Variants in ARHGAP6 observed in about 807,000 individuals in gnomAD.
ARHGAP6 encodes rho GTPase-activating protein 6.
ARHGAP6 carries 16 observed loss-of-function variants against 55.7 expected under a neutral mutation model. That is an observed-to-expected ratio of 0.29 (90% CI 0.19 to 0.44). The LOEUF (loss-of-function observed/expected upper bound fraction) is 0.44, where lower values mean the gene tolerates loss of function less well. Ranked by LOEUF, ARHGAP6 falls within the 20% of genes least tolerant of loss-of-function variation. ARHGAP6 has a pLI of 1.00. For missense variants in ARHGAP6, 698 were observed against 808.9 expected (o/e 0.86, Z 1.66); for synonymous variants, 382 against 360.9 (o/e 1.06, Z -0.66).
intron 1 of ARHGAP6, among the ~76,000 whole-genome samples, chrX:11,601,894 C>T (rs2051979022): frequency 9.0e-6 from 1 of 111,569 alleles, no homozygotes; most frequent in African/African-American, 3.3e-5. Flanking sequence ...GCAAAGAAAA[C>T]ACTTAAAAGA....
chrX:11,265,629 T>C, intron 1 of ARHGAP6: 1 of 789,390 alleles, frequency 1.3e-6, no homozygotes, highest in Non-Finnish European at 1.5e-6. Context: ...ATCACAAAAC[T>C]TTATCACAAT....
At chrX:11,354,313 C>CTATATA (rs2048903120) in intron 1 of ARHGAP6, among the ~76,000 whole-genome samples, 1 of 66,471 alleles carries the variant, frequency 1.5e-5, no homozygotes, top group African/African-American at 6.1e-5. Flanking sequence ...CTCTCTCTCT[C>CTATATA]TCTCTCTCTC....
At chrX:11,399,354 C>CAAAAAAAAAA (rs56197001) in intron 1 of ARHGAP6, among the ~76,000 whole-genome samples, 2 of 35,335 alleles carry the variant, frequency 5.7e-5, no homozygotes, top group Admixed American at 4.1e-4. Flanking sequence ...AATAAGCAAT[C>CAAAAAAAAAA]AAAAAAAAAA....
chrX:11,581,284 T>C (rs1480333053), intron 1 of ARHGAP6, among the ~76,000 whole-genome samples: 1 of 111,753 alleles, frequency 8.9e-6, no homozygotes, highest in East Asian at 2.8e-4. Flanking sequence ...TAAGAAGTAT[T>C]GGTGAAAGTG....
At chrX:11,394,172 C>T (rs758585995) in intron 1 of ARHGAP6, among the ~76,000 whole-genome samples, 33 of 112,077 alleles carry the variant, frequency 2.9e-4, no homozygotes, top group African/African-American at 9.4e-4. Context: ...TTGTCCTACA[C>T]CAACCTCACA....
chrX:11,527,001 T>C lies in ARHGAP6; in HGVS notation c.588+137240A>G, dbSNP rs772597592. ...AGAATTAGTCCTAATGATGCTTTGC[T>C]AATATGAGGAGTGTGTGTGTGTGTG... is the stretch of plus-strand genomic sequence containing the variant. On this transcript the variant is annotated intron_variant, in intron 1 of 12. Transcript: ENST00000337414. Among the ~76,000 whole-genome samples the C allele has an allele frequency of 8.2e-5, 8 of 97,111 alleles. No homozygotes were observed. The East Asian group carries it at 2.7e-3, about 33-fold the overall frequency. The allele number at this position is 97,111 out of a possible 115,157, so 84.3% of individuals were successfully genotyped here.
At chrX:11,471,470 T>C (rs2050346228) in intron 1 of ARHGAP6, among the ~76,000 whole-genome samples, 2 of 112,061 alleles carry the variant, frequency 1.8e-5, no homozygotes, top group Non-Finnish European at 3.8e-5. Context: ...AACTCAACAG[T>C]CTACTTTTGG....
chrX:11,399,034 A>G (rs2049514376), intron 1 of ARHGAP6, among the ~76,000 whole-genome samples: 1 of 112,153 alleles, frequency 8.9e-6, no homozygotes, highest in African/African-American at 3.2e-5. Flanking sequence ...TATTGCTGGC[A>G]TTGATTTCTT....
At chrX:11,345,719 T>C (rs1226450110) in intron 1 of ARHGAP6, among the ~76,000 whole-genome samples, 1 of 111,896 alleles carries the variant, frequency 8.9e-6, no homozygotes, top group Non-Finnish European at 1.9e-5. Context: ...CACGTTAGCC[T>C]TTGATATTCA....
intron 2 of ARHGAP6, among the ~76,000 whole-genome samples, chrX:11,213,129 G>A (rs2046830377): frequency 8.9e-6 from 1 of 112,742 alleles, no homozygotes; most frequent in Admixed American, 9.3e-5. Flanking sequence ...CTGTCCTGAG[G>A]AATGAAGGCC....
At chrX:11,319,128 T>TTCTATA (rs201917913) in intron 1 of ARHGAP6, among the ~76,000 whole-genome samples, 4,964 of 111,958 alleles carry the variant, frequency 0.044, 114 homozygotes, top group African/African-American at 0.071. Context: ...AACTCCACAT[T>TTCTATA]TCTATATCTA....
intron 1 of ARHGAP6, among the ~76,000 whole-genome samples, chrX:11,513,913 G>C (rs1309370776): frequency 9.1e-6 from 1 of 110,274 alleles, no homozygotes; most frequent in African/African-American, 3.3e-5. Context: ...CATAATCCCA[G>C]CATTTTGGGA....
At chrX:11,661,040 TG>T (rs1409397258) in intron 1 of ARHGAP6, among the ~76,000 whole-genome samples, 3 of 112,035 alleles carry the variant, frequency 2.7e-5, no homozygotes, top group African/African-American at 9.8e-5. Flanking sequence ...GCTCAAGAAA[TG>T]CTTGTGCCAT....
intron 1 of ARHGAP6, among the ~76,000 whole-genome samples, chrX:11,321,556 C>T (rs2048432675): frequency 8.9e-6 from 1 of 111,818 alleles, no homozygotes; most frequent in African/African-American, 3.3e-5. Flanking sequence ...CCCAGAACTT[C>T]AACAGCCACA....
At chrX:11,158,003 T>C (rs1010588384) in intron 9 of ARHGAP6, among the ~76,000 whole-genome samples, 1 of 111,973 alleles carries the variant, frequency 8.9e-6, no homozygotes, top group African/African-American at 3.2e-5. Context: ...CTTTTCTCCC[T>C]TTTCCATTCC....
chrX:11,311,232 G>A (rs1374802533), intron 1 of ARHGAP6, among the ~76,000 whole-genome samples: 2 of 111,946 alleles, frequency 1.8e-5, no homozygotes, highest in Admixed American at 9.5e-5. Context: ...TAAAGAAAAG[G>A]TCGACATTCT....
intron 1 of ARHGAP6, among the ~76,000 whole-genome samples, chrX:11,463,815 G>A (rs1289665115): frequency 5.3e-5 from 6 of 112,377 alleles, no homozygotes; most frequent in East Asian, 5.5e-4. Flanking sequence ...ACTATGAACC[G>A]CATTTAGTGT....
In ARHGAP6 at chrX:11,394,618, T is replaced by C. The variant is rs773480396; in HGVS notation, c.589-139911A>G. On this transcript the variant is annotated intron_variant, in intron 1 of 12. Coordinates refer to ENST00000337414, the MANE Select transcript of ARHGAP6 (RefSeq NM_013427.3). Reference sequence around the variant, plus strand: ...AAGTGAAGGATTAAAATTAATCTTATACATTCAAAATAAGTGAGTAACATT... The same window carrying C: ...AAGTGAAGGATTAAAATTAATCTTACACATTCAAAATAAGTGAGTAACATT... 2.7e-5 allele frequency among the ~76,000 whole-genome samples: 3 copies of C among 112,230 alleles called. No individual in the cohort carries two copies. In the South Asian group the frequency reaches 1.1e-3, roughly 41 times the overall value.
intron 1 of ARHGAP6, among the ~76,000 whole-genome samples, chrX:11,276,704 A>C (rs1288372310): frequency 8.9e-6 from 1 of 112,151 alleles, no homozygotes; most frequent in Non-Finnish European, 1.9e-5. Context: ...TTTATTTTTC[A>C]AAAATGTTTT....
Sources: allele counts gnomAD v4.1 joint callset (sites outside exome capture counted in the v4.1 genomes callset), GRCh38; gene constraint gnomAD v4.1.1; transcripts MANE v1.5; gene names NCBI Gene and HGNC (gene_info 2026-07-23, HGNC 2026-07-21).